PPP1R12A: variants seen among roughly 807,000 people sequenced by gnomAD.
PPP1R12A encodes the protein myosin binding subunit.
In PPP1R12A, 19 loss-of-function variants were observed where a neutral mutation model predicts 139.6. The observed-to-expected ratio is 0.14, with a 90% CI of 0.09 to 0.20. PPP1R12A has a LOEUF of 0.20. PPP1R12A is among the 10% of genes least tolerant of loss of function. PPP1R12A has a pLI of 1.00. For missense variants in PPP1R12A, 925 were observed against 1,211.5 expected (o/e 0.76, Z 3.51); for synonymous variants, 427 against 420.6 (o/e 1.02, Z -0.19).
chr12:79,777,344 G>C (rs2136959201), intron 24 of PPP1R12A: 2 of 981,448 alleles, frequency 2.0e-6, no homozygotes, highest in African/African-American at 3.5e-5. Context: ...CTCATCAATT[G>C]CAATATACAA....
At chr12:79,826,912 C>T (rs1454219360) in intron 5 of PPP1R12A, among the ~76,000 whole-genome samples, 1 of 152,042 alleles carries the variant, frequency 6.6e-6, no homozygotes, top group Non-Finnish European at 1.5e-5. Flanking sequence ...TCAGCACTGC[C>T]CATATGAATG....
In PPP1R12A at chr12:79,910,170, T is replaced by C. The variant is rs117637213; in HGVS notation, c.237+24525A>G. Among the ~76,000 whole-genome samples, 12 of 152,138 alleles carry C rather than the reference T, an allele frequency of 7.9e-5. No homozygotes were observed. In the East Asian group the frequency reaches 1.7e-3, roughly 22 times the overall value. On this transcript the variant is annotated intron_variant, in intron 1 of 24. Coordinates refer to ENST00000450142, the MANE Select transcript of PPP1R12A (RefSeq NM_002480.3). ...TTCAAACATAATGGGATGGGATAAC[T>C]ACAATATCTAATTAAAATGAACCTT...
chr12:79,844,516 T>C (rs1270475453), intron 3 of PPP1R12A, among the ~76,000 whole-genome samples: 1 of 152,192 alleles, frequency 6.6e-6, no homozygotes, highest in Non-Finnish European at 1.5e-5. Flanking sequence ...TTCTCATCAC[T>C]TCATCTACTA....
At chr12:79,898,178 G>A (rs187130572) in intron 1 of PPP1R12A, among the ~76,000 whole-genome samples, 4 of 152,270 alleles carry the variant, frequency 2.6e-5, no homozygotes, top group East Asian at 1.9e-4. Flanking sequence ...GGCCGGGCGC[G>A]GTGGCTCACG....
At chr12:79,876,696 T>C (rs1278928209) in intron 1 of PPP1R12A, among the ~76,000 whole-genome samples, 2 of 152,164 alleles carry the variant, frequency 1.3e-5, no homozygotes, top group Non-Finnish European at 2.9e-5. Context: ...TTTAGCAGCA[T>C]TTCCCTAAGG....
intron 4 of PPP1R12A, among the ~76,000 whole-genome samples, chr12:79,828,782 A>C (rs1329877371): frequency 6.6e-6 from 1 of 152,154 alleles, no homozygotes; most frequent in Non-Finnish European, 1.5e-5. Flanking sequence ...AGAAAAGCCC[A>C]TAATTTTTCA....
intron 22 of PPP1R12A, among the ~76,000 whole-genome samples, chr12:79,785,945 C>G (rs576926032): frequency 6.6e-5 from 10 of 152,080 alleles, no homozygotes; most frequent in Admixed American, 5.9e-4. Flanking sequence ...AAGGAACTTA[C>G]AAAAGGAGTT....
rs1056511775 is a variant in PPP1R12A at position 79,808,379 on chromosome 12, C to A, written c.1550+104G>T. On this transcript the variant is annotated intron_variant, in intron 11 of 24. Coordinates refer to ENST00000450142, the MANE Select transcript of PPP1R12A (RefSeq NM_002480.3). ...TTCAGGAATATCCTCCATCTCTTCC[C>A]ACAATACATATCCGCACATAATTAC... 7 of 788,956 alleles carry A rather than the reference C, an allele frequency of 8.9e-6. No individual in the cohort carries two copies. In the African/African-American group the frequency reaches 1.0e-4, roughly 12 times the overall value. 48.9% of individuals were successfully genotyped at this position (788,956 alleles called of 1,614,324 possible). A position where few individuals can be genotyped will look rare whatever the true frequency, so the allele number is the denominator to read the frequency against.
intron 2 of PPP1R12A, among the ~76,000 whole-genome samples, chr12:79,857,040 G>A (rs1880740412): frequency 6.6e-6 from 1 of 152,204 alleles, no homozygotes; most frequent in African/African-American, 2.4e-5. Flanking sequence ...ACTCGCAGAG[G>A]CAAAAATTAT....
chr12:79,840,696 C>A lies in PPP1R12A; in HGVS notation c.487+4606G>T, dbSNP rs76581435. Reference sequence around the variant, plus strand: ...ATTTCCTCAAGACAGCCTTGTTCTTCATTTCAAATGTAACAGGTTTTGGCT... The same window carrying A: ...ATTTCCTCAAGACAGCCTTGTTCTTAATTTCAAATGTAACAGGTTTTGGCT... On this transcript the variant is annotated intron_variant, in intron 3 of 24. Coordinates refer to ENST00000450142, the MANE Select transcript of PPP1R12A (RefSeq NM_002480.3). Among the ~76,000 whole-genome samples the A allele has an allele frequency of 5.4e-3, 824 of 152,288 alleles. 5 individuals are homozygous for A. The highest frequency in any genetic ancestry group is 0.019 in the African/African-American group (783 of 41,570).
At chr12:79,806,471 C>T in intron 12 of PPP1R12A, 138 bp from the exon 13 acceptor site, 1 of 707,592 alleles carries the variant, frequency 1.4e-6, no homozygotes, top group Admixed American at 2.9e-5. Context: ...GCTCCAGCAC[C>T]AAGAGTTGCA....
intron 1 of PPP1R12A, among the ~76,000 whole-genome samples, chr12:79,899,848 C>T (rs1885472217): frequency 6.6e-6 from 1 of 152,132 alleles, no homozygotes; most frequent in African/African-American, 2.4e-5. Context: ...TCCAATTGTG[C>T]CACATCATCG....
chr12:79,842,890 A>G (rs1001853335), intron 3 of PPP1R12A, among the ~76,000 whole-genome samples: 21 of 152,122 alleles, frequency 1.4e-4, no homozygotes, highest in African/African-American at 5.1e-4. Context: ...GTTGTGTAAC[A>G]TATCTACACA....
At chr12:79,837,845 T>C (rs936571635) in intron 3 of PPP1R12A, among the ~76,000 whole-genome samples, 3 of 152,184 alleles carry the variant, frequency 2.0e-5, no homozygotes, top group African/African-American at 7.2e-5. Flanking sequence ...CCCCCAGCCA[T>C]GTGGAACTGT....
intron 1 of PPP1R12A, among the ~76,000 whole-genome samples, chr12:79,928,190 C>G (rs1403459478): frequency 1.3e-5 from 2 of 152,218 alleles, no homozygotes; most frequent in Non-Finnish European, 1.5e-5. Flanking sequence ...AGTGTTTCTA[C>G]CTGGCTATAG....
chr12:79,821,136 G>A lies in PPP1R12A; in HGVS notation c.898C>T (p.Pro300Ser). The change falls in exon 7 of 25, where the codon CCA (proline) becomes TCA (serine). Residue 300 changes from proline to serine, a missense_variant. Physicochemically the swap from Pro to Ser is moderately conservative, Grantham distance 74. Around this residue, in one of 4 missense-constraint regions of PPP1R12A, gnomAD observed 403 missense variants for 463.7 expected, o/e 0.87. Transcript: ENST00000450142. ...LHSEKRDKKS[P>S]LIESTANMDN... is the part of the protein sequence containing the mutation. ...ATATTTGCTGTTGATTCAATTAGTG[G>A]AGATTTCTTGTCCCGTTTTTCACTA... 1 of 1,613,162 alleles carries A rather than the reference G, an allele frequency of 6.2e-7. No individual in the cohort carries two copies. The highest frequency in any genetic ancestry group is 8.5e-7 in the Non-Finnish European group (1 of 1,179,386).
chr12:79,911,837 A>T (rs2136914629), intron 1 of PPP1R12A, among the ~76,000 whole-genome samples: 1 of 151,912 alleles, frequency 6.6e-6, no homozygotes, highest in East Asian at 1.9e-4. Flanking sequence ...GATTCCCCCC[A>T]CCCAATCTGT....
intron 1 of PPP1R12A, 65 bp from the exon 2 acceptor site, chr12:79,873,003 T>C (rs930299327): frequency 6.9e-7 from 1 of 1,455,214 alleles, no homozygotes; most frequent in Non-Finnish European, 9.3e-7. Context: ...AATACATCAA[T>C]AGAATAAAAT....
intron 2 of PPP1R12A, among the ~76,000 whole-genome samples, chr12:79,854,566 A>G (rs1484053578): frequency 6.6e-6 from 1 of 152,218 alleles, no homozygotes; most frequent in Non-Finnish European, 1.5e-5. Context: ...TAAAATGCAC[A>G]TTTGAAAAGT....
Sources: gnomAD v4.1 joint callset for allele counts (sites outside exome capture counted in the v4.1 genomes callset) on GRCh38, gnomAD v4.1.1 for gene constraint, gnomAD v4.1.1 regional missense constraint, MANE v1.5 for transcripts, NCBI Gene and HGNC (gene_info 2026-07-23, HGNC 2026-07-21) for gene names.